PCDH7: variants seen among roughly 807,000 people sequenced by gnomAD.
PCDH7 encodes the protein protocadherin-7.
PCDH7 carries 17 observed loss-of-function variants against 58.9 expected under a neutral mutation model. The ratio of observed to expected loss-of-function variants is 0.29; its 90% CI spans 0.20 to 0.43. The LOEUF is 0.43. Among genes scored for constraint, PCDH7 ranks in the 20% least tolerant of loss-of-function variants. PCDH7 has a pLI of 1.00. For missense variants in PCDH7, 1,274 were observed against 1,441.0 expected (o/e 0.88, Z 1.88); for synonymous variants, 664 against 616.4 (o/e 1.08, Z -1.14).
chr4:30,982,639 G>A (rs944714768), intron 3 of PCDH7, among the ~76,000 whole-genome samples: 1 of 152,114 alleles, frequency 6.6e-6, no homozygotes, highest in Non-Finnish European at 1.5e-5. Context: ...AACCCATTGT[G>A]TAATACATAT....
chr4:30,870,892 G>A (rs538987530), intron 1 of PCDH7, among the ~76,000 whole-genome samples: 3 of 152,090 alleles, frequency 2.0e-5, no homozygotes, highest in African/African-American at 4.8e-5. Context: ...TGCACATTGC[G>A]GCACCTGTAA....
chr4:30,879,833 T>G (rs931114168), intron 1 of PCDH7, among the ~76,000 whole-genome samples: 2 of 152,172 alleles, frequency 1.3e-5, no homozygotes, highest in African/African-American at 4.8e-5. Flanking sequence ...CTTTAAAGAT[T>G]AAATTTCTTC....
At chr4:30,736,598 C>T (rs893111125), downstream of PCDH7, among the ~76,000 whole-genome samples, 2 of 148,770 alleles carry the variant, frequency 1.3e-5, no homozygotes, top group Non-Finnish European at 3.0e-5. Context: ...TGTAGTTCCG[C>T]GATCTCGGCT....
chr4:30,827,488 G>GT (rs1393882774), intron 1 of PCDH7, among the ~76,000 whole-genome samples: 4 of 152,152 alleles, frequency 2.6e-5, no homozygotes, highest in African/African-American at 7.2e-5. Flanking sequence ...GTAAAGGTAG[G>GT]TACAGAAAGA....
intron 1 of PCDH7, among the ~76,000 whole-genome samples, chr4:30,782,033 GAC>G: frequency 6.6e-6 from 1 of 152,026 alleles, no homozygotes; most frequent in Non-Finnish European, 1.5e-5. Context: ...TTGCAATTTA[GAC>G]AACTTTCAGG....
At chr4:30,725,542 C>T (rs566023999) in intron 1 of PCDH7, among the ~76,000 whole-genome samples, 73 of 152,206 alleles carry the variant, frequency 4.8e-4, no homozygotes, top group African/African-American at 1.6e-3. Flanking sequence ...AAGTTTTCCT[C>T]GTGTAATATA....
chr4:31,093,700 T>A (rs1325305728), intron 3 of PCDH7, among the ~76,000 whole-genome samples: 2 of 152,132 alleles, frequency 1.3e-5, no homozygotes, highest in East Asian at 1.9e-4. Flanking sequence ...TTGCAAGTCA[T>A]CTTTGGTTTC....
rs181293889 is a variant in PCDH7 at position 30,873,328 on chromosome 4, A to C, written c.71-46825A>C. Among the ~76,000 whole-genome samples the C allele has an allele frequency of 4.5e-4, 68 of 152,230 alleles. 2 individuals are homozygous for C. Among genetic ancestry groups the C allele is most frequent in the Admixed American group, 3.9e-3 (60 of 15,260 alleles). ...CTTTGGTATAAAATATTTATGTATTATATCTGGGGATTCTGATGTCATTAG... is the reference window on the plus strand; with the variant it reads ...CTTTGGTATAAAATATTTATGTATTCTATCTGGGGATTCTGATGTCATTAG... On this transcript the variant is annotated intron_variant, in intron 1 of 3. Transcript: ENST00000509759.
At position 30,723,643 on chromosome 4, in the gene PCDH7, A is replaced by G. The variant is rs1714132448; in HGVS notation, c.2221A>G (p.Thr741Ala). The change falls in exon 1 of 2, where the codon ACA becomes GCA. Residue 741 changes from threonine (T) to alanine (A), a missense_variant. Thr to Ala is a moderately conservative substitution (Grantham distance 58, BLOSUM62 0). This residue lies in a region of PCDH7 where 731 missense variants were observed against 881.9 expected (regional missense o/e 0.83). Coordinates refer to ENST00000361762, the Ensembl canonical transcript of PCDH7. This position sits in a 1 kb window ranked among gnomAD's most constrained non-coding sequence, Gnocchi z 4.6. Reference sequence around the variant, plus strand: ...GATGGATGAAAATGACAATGCTCCCACAGTTACCCTTCCCAAAAACATTTC... The same window carrying G: ...GATGGATGAAAATGACAATGCTCCCGCAGTTACCCTTCCCAAAAACATTTC... The G allele has an allele frequency of 6.2e-7, 1 of 1,614,176 alleles. No individual in the cohort carries two copies. Among genetic ancestry groups the G allele is most frequent in the East Asian group, 2.2e-5 (1 of 44,868 alleles).
intron 1 of PCDH7, among the ~76,000 whole-genome samples, chr4:30,756,265 C>T (rs1460050020): frequency 1.3e-5 from 2 of 152,036 alleles, no homozygotes; most frequent in African/African-American, 2.4e-5. Flanking sequence ...AATGGCACCC[C>T]GCTGTTCATG....
chr4:30,905,951 G>T (rs963103039), intron 1 of PCDH7, among the ~76,000 whole-genome samples: 1 of 152,196 alleles, frequency 6.6e-6, no homozygotes, highest in African/African-American at 2.4e-5. Flanking sequence ...AGAAGAGATG[G>T]TTTCAGAGGT....
chr4:30,740,395 G>A (rs1347549260), intron 1 of PCDH7, among the ~76,000 whole-genome samples: 1 of 152,138 alleles, frequency 6.6e-6, no homozygotes, highest in East Asian at 1.9e-4. Flanking sequence ...ATGGGAAGAT[G>A]CATATTAGAC....
At chr4:30,915,055 GCT>G (rs1189640080) in intron 1 of PCDH7, among the ~76,000 whole-genome samples, 2 of 151,744 alleles carry the variant, frequency 1.3e-5, no homozygotes, top group Admixed American at 6.6e-5. Context: ...TGTCTTCTTT[GCT>G]CTCTTTCATT....
chr4:30,986,733 A>G (rs534000705), intron 3 of PCDH7, among the ~76,000 whole-genome samples: 1 of 152,304 alleles, frequency 6.6e-6, no homozygotes, highest in Non-Finnish European at 1.5e-5. Context: ...CTGTAATCCC[A>G]GCACTTTGGG....
At chr4:30,861,187 G>T (rs182895589) in intron 1 of PCDH7, among the ~76,000 whole-genome samples, 1 of 152,296 alleles carries the variant, frequency 6.6e-6, no homozygotes, top group East Asian at 1.9e-4. Flanking sequence ...CTTTGTATGT[G>T]AGGATGATGC....
intron 3 of PCDH7, among the ~76,000 whole-genome samples, chr4:31,044,435 T>C (rs1428566575): frequency 6.6e-6 from 1 of 152,076 alleles, no homozygotes; most frequent in Non-Finnish European, 1.5e-5. Flanking sequence ...GCTTTCTCCC[T>C]TTTCATTTTT....
At chr4:30,784,482 C>T (rs2109292490) in intron 1 of PCDH7, among the ~76,000 whole-genome samples, 1 of 152,148 alleles carries the variant, frequency 6.6e-6, no homozygotes, top group East Asian at 1.9e-4. Flanking sequence ...AATACGTGGA[C>T]TTCATTATGC....
intron 1 of PCDH7, among the ~76,000 whole-genome samples, chr4:30,771,740 A>G (rs1022703212): frequency 6.6e-6 from 1 of 152,204 alleles, no homozygotes; most frequent in Non-Finnish European, 1.5e-5. Context: ...ATAGGAAATT[A>G]TCCTCGGTTA....
At chr4:30,879,997 T>G (rs547912495) in intron 1 of PCDH7, among the ~76,000 whole-genome samples, 42 of 152,182 alleles carry the variant, frequency 2.8e-4, no homozygotes, top group Admixed American at 5.2e-4. Flanking sequence ...TAAACCCCAC[T>G]CATAGTTTCC....
Sources: gnomAD v4.1 joint callset for allele counts (sites outside exome capture counted in the v4.1 genomes callset) on GRCh38, gnomAD v4.1.1 for gene constraint, gnomAD v4.1.1 regional missense constraint, Gnocchi (gnomAD v3.1) non-coding constraint, MANE v1.5 for transcripts, NCBI Gene and HGNC (gene_info 2026-07-23, HGNC 2026-07-21) for gene names.